KCNH3: variants seen among roughly 807,000 people sequenced by gnomAD.
KCNH3 encodes the protein potassium voltage-gated channel subfamily H member 3, also known as voltage-gated inwardly rectifying potassium channel KCNH3.
In KCNH3, 36 loss-of-function variants were observed where a neutral mutation model predicts 95.6. The ratio of observed to expected loss-of-function variants is 0.38; its 90% CI spans 0.29 to 0.50. KCNH3 has a LOEUF of 0.50. Ranked by LOEUF, KCNH3 falls within the 20% of genes least tolerant of loss-of-function variation. The pLI is 0.95. For missense variants in KCNH3, 1,030 were observed against 1,484.1 expected (o/e 0.69, Z 5.03); for synonymous variants, 620 against 646.3 (o/e 0.96, Z 0.62).
Position 49,557,400 on chromosome 12 carries a change from A to G in KCNH3, c.2699A>G (p.Gln900Arg), listed in dbSNP as rs371806739. ...EQVLQMREGL[Q>R]SLRQAVQLVL... ...GTGCTGCAGATGCGGGAAGGACTGC[A>G]GTCACTTCGCCAGGCTGTGCAGCTT... Residue 900 changes from glutamine to arginine, a missense_variant, in exon 15 of 15, where the codon CAG (glutamine) becomes CGG (arginine). Coordinates refer to ENST00000257981, the MANE Select transcript of KCNH3 (RefSeq NM_012284.3). 5 of 1,600,330 alleles carry G rather than the reference A, an allele frequency of 3.1e-6. No individual in the cohort carries two copies. Among genetic ancestry groups the G allele is most frequent in the Non-Finnish European group, 4.3e-6 (5 of 1,171,046 alleles).
intron 5 of KCNH3, 44 bp from the exon 6 acceptor site, chr12:49,543,871 G>T: frequency 6.3e-7 from 1 of 1,578,836 alleles, no homozygotes; most frequent in Non-Finnish European, 8.7e-7. Flanking sequence ...AAGAGTGGCT[G>T]CCCCCCCAGC....
In KCNH3 at chr12:49,550,984, A is replaced by G. The variant is rs192180045; in HGVS notation, c.1918+655A>G. 1.3e-4 allele frequency among the ~76,000 whole-genome samples: 20 copies of G among 152,368 alleles called. No individual in the cohort carries two copies. In the East Asian group the frequency reaches 3.9e-3, roughly 29 times the overall value. ...CTCACAGCGTGACTAGCCCTGTCCC[A>G]GCTCCTTACTGCTTTGTCTCACTCT... On this transcript the variant is annotated intron_variant, in intron 10 of 14. Transcript: ENST00000257981.
chr12:49,551,415 A>C (rs1938253888), intron 10 of KCNH3, among the ~76,000 whole-genome samples: 1 of 151,990 alleles, frequency 6.6e-6, no homozygotes, highest in Non-Finnish European at 1.5e-5. Context: ...GTATCTACTA[A>C]AAATACAAAA....
intron 5 of KCNH3, 136 bp downstream of exon 5, chr12:49,543,654 C>T: frequency 7.9e-7 from 1 of 1,272,110 alleles, no homozygotes. Flanking sequence ...GCTTTGAAAT[C>T]AGACCTAGGT....
chr12:49,544,404 TGTG>T (rs1240616632), intron 7 of KCNH3, 22 bp downstream of exon 7: 3 of 1,607,250 alleles, frequency 1.9e-6, no homozygotes, highest in Non-Finnish European at 2.5e-6. Context: ...TCCCTCTGCA[TGTG>T]GTGGGGAGGG....
At position 49,548,783 on chromosome 12, in the gene KCNH3, A is replaced by G. The variant is rs1938154265; in HGVS notation, c.1190-112A>G. 35 of 1,154,446 alleles carry G rather than the reference A, an allele frequency of 3.0e-5. No homozygotes were observed. The South Asian group carries it at 5.6e-4, about 18-fold the overall frequency. 71.5% of individuals were successfully genotyped at this position (1,154,446 alleles called of 1,614,324 possible). On this transcript the variant is annotated intron_variant, in intron 7 of 14. Transcript: ENST00000257981. ...TGCTAGGCTGGCAGTGAAGGGGCAA[A>G]GCGGCGGGAAGCCATGGGGCTGGGT...
chr12:49,547,982 G>A (rs1938117143), intron 7 of KCNH3, among the ~76,000 whole-genome samples: 1 of 152,206 alleles, frequency 6.6e-6, no homozygotes, highest in African/African-American at 2.4e-5. Context: ...CCAGCACACA[G>A]CCTTGGGAGA....
At chr12:49,552,369 A>G (rs893141930) in intron 10 of KCNH3, among the ~76,000 whole-genome samples, 2 of 152,136 alleles carry the variant, frequency 1.3e-5, no homozygotes, top group African/African-American at 4.8e-5. Context: ...TTGCCTCTAC[A>G]ATGTCCCTAG....
intron 7 of KCNH3, among the ~76,000 whole-genome samples, chr12:49,547,567 A>G (rs1464803130): frequency 6.6e-6 from 1 of 152,074 alleles, no homozygotes; most frequent in Non-Finnish European, 1.5e-5. Flanking sequence ...TTCTGGCCCT[A>G]TGTCACCTGC....
chr12:49,548,836 G>A, intron 7 of KCNH3, 59 bp from the exon 8 acceptor site: 17 of 1,478,030 alleles, frequency 1.2e-5, no homozygotes, highest in Non-Finnish European at 1.5e-5. Flanking sequence ...CACCCCCAGG[G>A]CCCGGCATCC....
rs578049593 is a variant in KCNH3, at chr12:49,554,243, A to G, written c.1919-94A>G. 3.1e-4 allele frequency: 306 copies of G among 983,976 alleles called. 2 individuals carry two copies. The East Asian group carries it at 6.9e-3, about 22-fold the overall frequency. The allele number at this position is 983,976 out of a possible 1,614,324, so 61.0% of individuals were successfully genotyped here. On this transcript the variant is annotated intron_variant, in intron 10 of 14. Coordinates refer to ENST00000257981, the MANE Select transcript of KCNH3 (RefSeq NM_012284.3). ...GGCTTCAGCTACAGAGGCCCAGCCC[A>G]GCTCTGAAGGGAATCTCAGCAACCT...
chr12:49,551,918 G>A (rs1346005521), intron 10 of KCNH3, among the ~76,000 whole-genome samples: 2 of 152,224 alleles, frequency 1.3e-5, no homozygotes, highest in Non-Finnish European at 2.9e-5. Context: ...TTGCTCCCTT[G>A]AAGAGGATGA....
intron 6 of KCNH3, 34 bp from the exon 7 acceptor site, chr12:49,544,141 T>TGCCAGG: frequency 7.1e-7 from 1 of 1,413,366 alleles, no homozygotes; most frequent in Non-Finnish European, 9.7e-7. Flanking sequence ...CCCGCTGACC[T>TGCCAGG]CCCTCCCTCC....
chr12:49,540,321 C>T (rs1219962840), intron 1 of KCNH3, among the ~76,000 whole-genome samples: 1 of 152,246 alleles, frequency 6.6e-6, no homozygotes, highest in Non-Finnish European at 1.5e-5. Context: ...CTCCCCAATA[C>T]ATTCCTGGCT....
chr12:49,543,998 G>C lies in KCNH3; in HGVS notation c.907G>C (p.Val303Leu), dbSNP rs1192975611. ...CCCAAAGTCCATTTGCCTCCACTAC[G>C]TCACCACCTGGTTCCTGCTGGATGT... ...FAPKSICLHYVTTWFLLDVIA... is the reference protein window; with the variant it reads ...FAPKSICLHYLTTWFLLDVIA... The change falls in exon 6 of 15, where the codon GTC becomes CTC. Residue 303 changes from valine (V) to leucine (L), a missense_variant. Around this residue, in one of 9 missense-constraint regions of KCNH3, gnomAD observed 153 missense variants for 288.5 expected, o/e 0.53. Coordinates refer to ENST00000257981, the MANE Select transcript of KCNH3 (RefSeq NM_012284.3). The C allele has an allele frequency of 1.2e-6, 2 of 1,613,858 alleles. No individual in the cohort carries two copies. Among genetic ancestry groups the C allele is most frequent in the Non-Finnish European group, 1.7e-6 (2 of 1,179,828 alleles).
At chr12:49,541,593 A>C (rs751587322) in intron 2 of KCNH3, 37 bp from the exon 3 acceptor site, 69 of 1,611,004 alleles carry the variant, frequency 4.3e-5, no homozygotes, top group Non-Finnish European at 5.7e-5. Flanking sequence ...GGCAGTGCTG[A>C]GAATAGGAGG....
In KCNH3 at chr12:49,556,874, A is replaced by C. The variant is rs1018029022; in HGVS notation, c.2576-309A>C. ...GGTGAAAATGTCTCCAGGCCAGGGAAGTGGACAAGGTAATGAGCTCCTAGG... is the reference window on the plus strand; with the variant it reads ...GGTGAAAATGTCTCCAGGCCAGGGACGTGGACAAGGTAATGAGCTCCTAGG... On this transcript the variant is annotated intron_variant, in intron 13 of 14. Coordinates refer to ENST00000257981, the MANE Select transcript of KCNH3 (RefSeq NM_012284.3). 32 of 616,484 alleles carry C rather than the reference A, an allele frequency of 5.2e-5. No homozygotes were observed. The African/African-American group carries it at 5.3e-4, about 10-fold the overall frequency. The allele number at this position is 616,484 out of a possible 1,614,324, so 38.2% of individuals were successfully genotyped here.
rs1179986411 is a variant in KCNH3, at chr12:49,550,225, C to T, written c.1814C>T (p.Pro605Leu). 3 of 1,609,466 alleles carry T rather than the reference C, an allele frequency of 1.9e-6. No homozygotes were observed. Among genetic ancestry groups the T allele is most frequent in the Non-Finnish European group, 2.5e-6 (3 of 1,179,962 alleles). Residue 605 changes from proline to leucine, a missense_variant, in exon 10 of 15, where the codon CCG becomes CTG. Pro to Leu is a moderately conservative substitution (Grantham distance 98). This residue lies in a region of KCNH3 where 160 missense variants were observed against 316.2 expected (regional missense o/e 0.51). Transcript: ENST00000257981. The part of the protein sequence containing the change: ...SLALRPAFCT[P>L]GEYLIHQGDA... The stretch of plus-strand genomic sequence containing the variant: ...GCCCTGCGGCCCGCCTTCTGCACGC[C>T]GGGCGAGTACCTCATCCACCAAGGC...
At chr12:49,540,500 A>G (rs999544326) in intron 1 of KCNH3, among the ~76,000 whole-genome samples, 1 of 152,044 alleles carries the variant, frequency 6.6e-6, no homozygotes, top group African/African-American at 2.4e-5. Flanking sequence ...CAGACAGCCA[A>G]CCTGGGTACC....
Sources: gnomAD v4.1 joint callset for allele counts (sites outside exome capture counted in the v4.1 genomes callset) on GRCh38, gnomAD v4.1.1 for gene constraint, gnomAD v4.1.1 regional missense constraint, MANE v1.5 for transcripts, NCBI Gene and HGNC (gene_info 2026-07-23, HGNC 2026-07-21) for gene names.